The following NBEA variants were observed in gnomAD, a reference collection of about 807,000 sequenced individuals.
NBEA encodes the protein lysosomal-trafficking regulator 2.
In NBEA, 44 loss-of-function variants were observed where a neutral mutation model predicts 343.4. The ratio of observed to expected loss-of-function variants is 0.13; its 90% CI spans 0.10 to 0.16. The LOEUF (loss-of-function observed/expected upper bound fraction) is 0.16. Among genes scored for constraint, NBEA ranks in the 10% least tolerant of loss-of-function variants. The pLI, the probability that NBEA is intolerant of heterozygous loss-of-function variation, is 1.00. For missense variants in NBEA, 2,555 were observed against 3,631.3 expected, an observed-to-expected ratio of 0.70 and a Z score of 7.62; for synonymous variants, 1,175 against 1,238.7, an observed-to-expected ratio of 0.95 and a Z score of 1.08.
intron 10 of NBEA, among the ~76,000 whole-genome samples, chr13:35,093,804 C>T (rs898937656): frequency 6.6e-6 from 1 of 151,880 alleles, no homozygotes; most frequent in Non-Finnish European, 1.5e-5. Context: ...GTGACTACAA[C>T]ATTTAGTGCA....
chr13:35,397,957 A>G (rs2042823412), intron 38 of NBEA, among the ~76,000 whole-genome samples: 1 of 152,156 alleles, frequency 6.6e-6, no homozygotes, highest in South Asian at 2.1e-4. Context: ...TCTTCCCTTC[A>G]CAAAAGATTA....
chr13:35,236,900 T>C (rs2075266064), intron 34 of NBEA, among the ~76,000 whole-genome samples: 3 of 152,280 alleles, frequency 2.0e-5, no homozygotes, highest in South Asian at 2.1e-4. Flanking sequence ...TTTACACTTA[T>C]TGAAATAGGA....
intron 16 of NBEA, among the ~76,000 whole-genome samples, chr13:35,120,724 GTTT>G (rs2066749214): frequency 7.7e-6 from 1 of 129,300 alleles, no homozygotes; most frequent in African/African-American, 4.0e-5. Context: ...AAAATTTGAT[GTTT>G]TTATATCTGG....
At chr13:35,055,509 C>G (rs977834109) in intron 6 of NBEA, among the ~76,000 whole-genome samples, 3 of 152,034 alleles carry the variant, frequency 2.0e-5, no homozygotes, top group African/African-American at 7.2e-5. Flanking sequence ...TTGACAGATC[C>G]TTCCTGACCA....
intron 39 of NBEA, among the ~76,000 whole-genome samples, chr13:35,448,970 A>T (rs1430090729): frequency 6.6e-6 from 1 of 152,206 alleles, no homozygotes; most frequent in Non-Finnish European, 1.5e-5. Flanking sequence ...TTTAAGGGCA[A>T]GTAGCAATTA....
intron 41 of NBEA, among the ~76,000 whole-genome samples, chr13:35,479,843 G>A (rs748462542): frequency 3.9e-5 from 6 of 151,952 alleles, no homozygotes; most frequent in Admixed American, 6.5e-5. Context: ...GTTTTCAGTG[G>A]TAGGCATGCA....
chr13:35,338,643 C>A (rs1040028947), intron 36 of NBEA, among the ~76,000 whole-genome samples: 3 of 151,926 alleles, frequency 2.0e-5, no homozygotes, highest in Admixed American at 1.3e-4. Context: ...GATACCAAAC[C>A]CAGATAAAGT....
At chr13:35,130,040 TG>T (rs1939320880) in intron 17 of NBEA, among the ~76,000 whole-genome samples, 1 of 152,162 alleles carries the variant, frequency 6.6e-6, no homozygotes, top group Non-Finnish European at 1.5e-5. Context: ...AAATGCTGTC[TG>T]TTAAAGGAAT....
intron 48 of NBEA, among the ~76,000 whole-genome samples, chr13:35,616,675 A>C (rs1366506686): frequency 6.6e-6 from 1 of 152,238 alleles, no homozygotes; most frequent in Admixed American, 6.5e-5. Context: ...TTACTGTAAG[A>C]GAGAATAAAA....
At chr13:35,017,113 C>T (rs1233584986) in intron 1 of NBEA, among the ~76,000 whole-genome samples, 2 of 151,848 alleles carry the variant, frequency 1.3e-5, no homozygotes, top group African/African-American at 4.8e-5. Context: ...TCATCTGCCG[C>T]AGTGGGAAGG....
At chr13:35,434,506 A>G (rs1164396636) in intron 39 of NBEA, among the ~76,000 whole-genome samples, 2 of 152,186 alleles carry the variant, frequency 1.3e-5, no homozygotes, top group African/African-American at 4.8e-5. Context: ...ACAGTAAAAT[A>G]TTCAGGGAAT....
chr13:35,187,109 C>A (rs2071774686), intron 30 of NBEA, among the ~76,000 whole-genome samples: 1 of 151,540 alleles, frequency 6.6e-6, no homozygotes, highest in African/African-American at 2.4e-5. Context: ...AATAAAATTT[C>A]ATATTTTATT....
intron 1 of NBEA, among the ~76,000 whole-genome samples, chr13:34,989,229 C>G (rs2060663563): frequency 6.6e-6 from 1 of 150,836 alleles, no homozygotes; most frequent in African/African-American, 2.4e-5. Flanking sequence ...TCTTCCTCTT[C>G]TGCTGTAGTT....
intron 35 of NBEA, among the ~76,000 whole-genome samples, chr13:35,300,870 T>G (rs562866505): frequency 6.6e-6 from 1 of 152,302 alleles, no homozygotes; most frequent in East Asian, 1.9e-4. Flanking sequence ...TCTTTATACT[T>G]ATGCATTTTT....
At chr13:35,409,980 C>G (rs1342409958) in intron 38 of NBEA, among the ~76,000 whole-genome samples, 3 of 151,624 alleles carry the variant, frequency 2.0e-5, no homozygotes, top group Non-Finnish European at 4.4e-5. Flanking sequence ...GCTTTTTTGC[C>G]TAAAGTTTCA....
At chr13:35,498,394 G>A (rs2076763644) in intron 41 of NBEA, among the ~76,000 whole-genome samples, 1 of 152,006 alleles carries the variant, frequency 6.6e-6, no homozygotes, top group African/African-American at 2.4e-5. Flanking sequence ...CCACAGGCAG[G>A]AGTCCTCTGG....
Position 35,561,211 on chromosome 13 carries a change from G to T in NBEA, c.6923-5694G>T, listed in dbSNP as rs145402756. Among the ~76,000 whole-genome samples the T allele has an allele frequency of 8.2e-3, 1,251 of 152,080 alleles. 13 individuals carry two copies. The highest frequency in any genetic ancestry group is 0.027 in the African/African-American group (1,127 of 41,474). On this transcript the variant is annotated intron_variant, in intron 44 of 58. Coordinates refer to ENST00000379939, the MANE Select transcript of NBEA (RefSeq NM_001385012.1). ...TCTTCCCAATGAGAAAAAAAGTTTT[G>T]CTCAGTAAATACCCATGAAATTAAG...
In NBEA at chr13:35,111,111, T is replaced by C. The variant is rs923523305; in HGVS notation, c.2002+133T>C. ...CTTTCTTATATAGCAAACTGGCATATTGAGAATTGTTTGTGGTAAAGAAGT... is the reference window on the plus strand; with the variant it reads ...CTTTCTTATATAGCAAACTGGCATACTGAGAATTGTTTGTGGTAAAGAAGT... On this transcript the variant is annotated intron_variant, in intron 13 of 58. Transcript: ENST00000379939. The C allele has an allele frequency of 2.3e-5, 15 of 662,124 alleles. No homozygotes were observed. In the African/African-American group the frequency reaches 2.4e-4, roughly 11 times the overall value. The allele number at this position is 662,124 out of a possible 1,614,324, so 41.0% of individuals were successfully genotyped here.
chr13:35,467,940 A>G (rs1225400631), intron 40 of NBEA, among the ~76,000 whole-genome samples: 2 of 152,234 alleles, frequency 1.3e-5, no homozygotes, highest in East Asian at 1.9e-4. Context: ...AAATACTTCT[A>G]ACAATTCCAA....
Sources: allele counts gnomAD v4.1 joint callset (sites outside exome capture counted in the v4.1 genomes callset), GRCh38; gene constraint gnomAD v4.1.1; transcripts MANE v1.5; gene names NCBI Gene and HGNC (gene_info 2026-07-23, HGNC 2026-07-21).